The following SQOR variants were observed in gnomAD, a reference collection of about 807,000 sequenced individuals.
SQOR encodes sulfide:quinone oxidoreductase, mitochondrial.
In SQOR, 39 loss-of-function variants were observed where a neutral mutation model predicts 48.6. That is an observed-to-expected ratio of 0.80 (90% CI 0.62 to 1.05). The LOEUF is 1.05. Ranked by LOEUF, SQOR falls within the 50% of genes least tolerant of loss-of-function variation. The probability of loss-of-function intolerance (pLI) is 0.00; values close to 1 mark genes in which losing one functional copy is unlikely to be tolerated. For missense variants in SQOR, 561 were observed against 559.9 expected (o/e 1.00, Z -0.02); for synonymous variants, 220 against 206.2 (o/e 1.07, Z -0.57).
intron 1 of SQOR, among the ~76,000 whole-genome samples, chr15:45,651,545 G>A (rs189990801): frequency 8.5e-5 from 13 of 152,382 alleles, no homozygotes; most frequent in Admixed American, 5.9e-4. Context: ...GGCTGCGAGG[G>A]CTGCCAGCAC....
chr15:45,631,215 C>T (rs1390679328), upstream of SQOR: 1 of 170,720 alleles, frequency 5.9e-6, no homozygotes, highest in Non-Finnish European at 1.2e-5. Flanking sequence ...TGAGGCCTCC[C>T]CAGCCACATG....
intron 4 of SQOR, among the ~76,000 whole-genome samples, chr15:45,670,304 G>A (rs775409548): frequency 6.6e-6 from 1 of 152,186 alleles, no homozygotes. Flanking sequence ...TGGCTGTATT[G>A]AAGATTACAT....
At chr15:45,645,726 A>G (rs1390688866) in intron 1 of SQOR, among the ~76,000 whole-genome samples, 1 of 152,198 alleles carries the variant, frequency 6.6e-6, no homozygotes, top group Non-Finnish European at 1.5e-5. Context: ...CCTGCTGACT[A>G]CAGAATTGGG....
At chr15:45,651,091 T>A (rs946435037) in intron 1 of SQOR, among the ~76,000 whole-genome samples, 4 of 152,092 alleles carry the variant, frequency 2.6e-5, no homozygotes, top group African/African-American at 9.7e-5. Flanking sequence ...GGCTCACCCG[T>A]GTGGGAGCCC....
chr15:45,664,309 C>A (rs1223278778), intron 3 of SQOR, among the ~76,000 whole-genome samples: 2 of 152,106 alleles, frequency 1.3e-5, no homozygotes, highest in Non-Finnish European at 2.9e-5. Context: ...TTTCTTAATA[C>A]TTTTATTCCT....
intron 6 of SQOR, 26 bp downstream of exon 6, chr15:45,676,336 CA>C: frequency 6.2e-7 from 1 of 1,610,720 alleles, no homozygotes; most frequent in Non-Finnish European, 8.5e-7. Context: ...AAGCTGTCAG[CA>C]TGAAGCGTTG....
chr15:45,657,129 A>G (rs1316205958), intron 1 of SQOR, among the ~76,000 whole-genome samples: 1 of 152,162 alleles, frequency 6.6e-6, no homozygotes, highest in Non-Finnish European at 1.5e-5. Context: ...TATGAACATA[A>G]TTTTAAAAGA....
chr15:45,682,710 A>G (rs1204376582), intron 7 of SQOR, 49 bp downstream of exon 7: 1 of 1,592,664 alleles, frequency 6.3e-7, no homozygotes, highest in Non-Finnish European at 8.6e-7. Context: ...ATGTCACCTC[A>G]AGGCATGATT....
chr15:45,667,860 G>A (rs892425033), intron 3 of SQOR, among the ~76,000 whole-genome samples: 2 of 151,730 alleles, frequency 1.3e-5, no homozygotes, highest in African/African-American at 4.8e-5. Context: ...TGGTTTGGCC[G>A]GCCATTTAAC....
intron 4 of SQOR, 35 bp downstream of exon 4, chr15:45,670,016 T>G: frequency 6.3e-7 from 1 of 1,593,404 alleles, no homozygotes; most frequent in Non-Finnish European, 8.6e-7. Context: ...TTACGCTGGC[T>G]TATCTATGCC....
intron 4 of SQOR, among the ~76,000 whole-genome samples, chr15:45,672,458 C>T (rs1889961818): frequency 6.6e-6 from 1 of 152,086 alleles, no homozygotes; most frequent in African/African-American, 2.4e-5. Context: ...TTGCTTTTAA[C>T]ATTGAGTGTG....
At chr15:45,676,051 A>C in intron 5 of SQOR, 50 bp from the exon 6 acceptor site, 1 of 1,485,428 alleles carries the variant, frequency 6.7e-7, no homozygotes, top group Non-Finnish European at 9.1e-7. Context: ...AAAAAAAAAA[A>C]GGCAGCTGCA....
intron 1 of SQOR, among the ~76,000 whole-genome samples, chr15:45,644,346 A>G (rs1895163046): frequency 6.6e-6 from 1 of 152,180 alleles, no homozygotes; most frequent in Admixed American, 6.5e-5. Flanking sequence ...TCGGCCTTCT[A>G]AAGTGCTGGG....
chr15:45,654,414 G>A (rs1889557695), intron 1 of SQOR, among the ~76,000 whole-genome samples: 1 of 152,202 alleles, frequency 6.6e-6, no homozygotes, highest in African/African-American at 2.4e-5. Flanking sequence ...AGGACATTCT[G>A]CTTCATGACT....
chr15:45,636,899 C>T (rs546042421), intron 1 of SQOR, among the ~76,000 whole-genome samples: 2 of 151,852 alleles, frequency 1.3e-5, no homozygotes, highest in Non-Finnish European at 2.9e-5. Flanking sequence ...GGTTAAGATC[C>T]TCTGATAGTA....
At position 45,689,022 on chromosome 15, in the gene SQOR, C is replaced by T; in HGVS notation, c.1117-17C>T. 1.9e-6 allele frequency: 3 copies of T among 1,609,836 alleles called. No individual in the cohort carries two copies. Among genetic ancestry groups the T allele is most frequent in the Non-Finnish European group, 2.5e-6 (3 of 1,177,478 alleles). On this transcript the variant is annotated splice_polypyrimidine_tract_variant and intron_variant, in intron 8 of 9. Coordinates refer to ENST00000260324, the MANE Select transcript of SQOR (RefSeq NM_021199.4). ...AAAAAAATCTACTTTCCAACTCAGT[C>T]TGATTTACAATTTTAGTATGATGGC... is the stretch of plus-strand genomic sequence containing the variant.
intron 7 of SQOR, among the ~76,000 whole-genome samples, chr15:45,686,775 C>T (rs1415630350): frequency 6.6e-6 from 1 of 152,208 alleles, no homozygotes; most frequent in Admixed American, 6.5e-5. Context: ...ACGTGAATCC[C>T]ATGTTCTACC....
At chr15:45,648,502 C>T (rs1889393608) in intron 1 of SQOR, among the ~76,000 whole-genome samples, 2 of 152,324 alleles carry the variant, frequency 1.3e-5, no homozygotes, top group African/African-American at 4.8e-5. Context: ...CTACCAAATC[C>T]TGTCTTCTGG....
At chr15:45,682,427 G>T (rs1358484157) in intron 6 of SQOR, 51 bp from the exon 7 acceptor site, 1 of 1,594,782 alleles carries the variant, frequency 6.3e-7, no homozygotes, top group South Asian at 1.1e-5. Context: ...AGCTTGTGGA[G>T]CTGTAGAAAT....
Sources: allele counts gnomAD v4.1 joint callset (sites outside exome capture counted in the v4.1 genomes callset), GRCh38; gene constraint gnomAD v4.1.1; transcripts MANE v1.5; gene names NCBI Gene and HGNC (gene_info 2026-07-23, HGNC 2026-07-21).